The following PLXNA4 variants were observed in gnomAD, a reference collection of about 807,000 sequenced individuals.
The protein encoded by PLXNA4 is plexin A4.
PLXNA4 carries 44 observed loss-of-function variants against 191.8 expected under a neutral mutation model. The observed-to-expected ratio is 0.23, with a 90% CI of 0.18 to 0.29. PLXNA4 has a LOEUF of 0.29. PLXNA4 is among the 10% of genes least tolerant of loss of function. The pLI is 1.00. For missense variants in PLXNA4, 1,800 were observed against 2,488.8 expected (o/e 0.72, Z 5.89); for synonymous variants, 1,082 against 1,009.5 (o/e 1.07, Z -1.36).
chr7:132,491,304 C>T (rs1432897931), intron 2 of PLXNA4, among the ~76,000 whole-genome samples: 1 of 152,222 alleles, frequency 6.6e-6, no homozygotes, highest in Non-Finnish European at 1.5e-5. Flanking sequence ...TGGAGAACAG[C>T]AGGCAGGCTC....
chr7:132,423,279 T>C (rs1794915556), intron 3 of PLXNA4, among the ~76,000 whole-genome samples: 2 of 152,264 alleles, frequency 1.3e-5, no homozygotes, highest in African/African-American at 4.8e-5. Context: ...GCACAATTCA[T>C]GTTATTATTT....
At chr7:132,429,947 G>A (rs1795197263) in intron 3 of PLXNA4, among the ~76,000 whole-genome samples, 1 of 152,158 alleles carries the variant, frequency 6.6e-6, no homozygotes, top group African/African-American at 2.4e-5. Flanking sequence ...AGCAGAGTGG[G>A]CAGCTGGATG....
At chr7:132,617,764 T>C (rs1449822869) in intron 2 of PLXNA4, among the ~76,000 whole-genome samples, 1 of 152,170 alleles carries the variant, frequency 6.6e-6, no homozygotes, top group East Asian at 1.9e-4. Flanking sequence ...AATTCAGAAC[T>C]CTCTCTTAAA....
intron 3 of PLXNA4, among the ~76,000 whole-genome samples, chr7:132,412,587 A>T (rs1011105407): frequency 6.6e-6 from 1 of 152,248 alleles, no homozygotes; most frequent in South Asian, 2.1e-4. Flanking sequence ...TTTTAATATA[A>T]TAAGATCTTC....
intron 3 of PLXNA4, among the ~76,000 whole-genome samples, chr7:132,394,344 G>A (rs771151737): frequency 1.3e-5 from 2 of 152,180 alleles, no homozygotes; most frequent in Middle Eastern, 3.2e-3. Context: ...GGGAGCAGGT[G>A]AAGGGACCAG....
At chr7:132,482,427 A>C (rs1797375749) in intron 3 of PLXNA4, among the ~76,000 whole-genome samples, 1 of 152,072 alleles carries the variant, frequency 6.6e-6, no homozygotes, top group Non-Finnish European at 1.5e-5. Context: ...TTGCCAACAA[A>C]CCCGGGAGTG....
At chr7:132,285,902 G>C (rs1385952430) in intron 4 of PLXNA4, among the ~76,000 whole-genome samples, 1 of 152,106 alleles carries the variant, frequency 6.6e-6, no homozygotes, top group African/African-American at 2.4e-5. Flanking sequence ...CTGTTGAGAG[G>C]GGTGAGGTGG....
chr7:132,499,840 T>C (rs962042190), intron 2 of PLXNA4, among the ~76,000 whole-genome samples: 1 of 152,186 alleles, frequency 6.6e-6, no homozygotes, highest in Non-Finnish European at 1.5e-5. Context: ...AATCCCATTA[T>C]ATTTTGGAAC....
upstream of PLXNA4, among the ~76,000 whole-genome samples, chr7:132,582,140 G>A (rs1056111195): frequency 6.6e-6 from 1 of 152,156 alleles, no homozygotes; most frequent in African/African-American, 2.4e-5. Context: ...TACAAGGACT[G>A]GATACAATTC....
At chr7:132,646,240 C>T (rs1803863603) in intron 1 of PLXNA4, among the ~76,000 whole-genome samples, 1 of 152,104 alleles carries the variant, frequency 6.6e-6, no homozygotes, top group Non-Finnish European at 1.5e-5. Context: ...GAGCTACGGA[C>T]TCTCTCGGGA....
At position 132,435,129 on chromosome 7, in the gene PLXNA4, G is replaced by A. The variant is rs559915762; in HGVS notation, c.1371+54163C>T. Among the ~76,000 whole-genome samples, 139 of 152,180 alleles carry A rather than the reference G, an allele frequency of 9.1e-4. No homozygotes were observed. In the South Asian group the frequency reaches 0.019, roughly 21 times the overall value. On this transcript the variant is annotated intron_variant, in intron 3 of 31. Coordinates refer to ENST00000321063, the MANE Select transcript of PLXNA4 (RefSeq NM_020911.2). Reference sequence around the variant, plus strand: ...CTCGAGCAGGAAGTATGTTTGCCTCGCCTCGGGCTTCCTGGCCACACAGAC... The same window carrying A: ...CTCGAGCAGGAAGTATGTTTGCCTCACCTCGGGCTTCCTGGCCACACAGAC...
chr7:132,630,668 C>T (rs1256264378), intron 2 of PLXNA4, among the ~76,000 whole-genome samples: 2 of 152,090 alleles, frequency 1.3e-5, no homozygotes, highest in African/African-American at 2.4e-5. Context: ...TCTGCCACCA[C>T]ACCCGGCTAA....
intron 3 of PLXNA4, among the ~76,000 whole-genome samples, chr7:132,401,574 C>T (rs887663094): frequency 3.9e-5 from 6 of 152,054 alleles, no homozygotes; most frequent in Admixed American, 6.6e-5. Context: ...AGAGGAAGTC[C>T]GGTAGGATGA....
Position 132,168,446 on chromosome 7 carries a change from C to T in PLXNA4, c.4144G>A (p.Asp1382Asn), listed in dbSNP as rs118107843. 43 of 1,614,008 alleles carry T rather than the reference C, an allele frequency of 2.7e-5. No homozygotes were observed. Among genetic ancestry groups the T allele is most frequent in the East Asian group, 2.5e-4 (11 of 44,870 alleles). ...LESQRSFSMR[D>N]RGNVASLIMT... is the part of the protein sequence containing the mutation. ...ATGAGTGAGGCCACGTTGCCACGGT[C>T]GCGCATGGAGAAGCTACGCTGGGAC... Residue 1382 changes from aspartate to asparagine, a missense_variant, in exon 22 of 32, where the codon GAC becomes AAC. Asp to Asn is a conservative substitution (Grantham distance 23). This residue lies in a region of PLXNA4 where 1,397 missense variants were observed against 1,880.4 expected (regional missense o/e 0.74). Coordinates refer to ENST00000321063, the MANE Select transcript of PLXNA4 (RefSeq NM_020911.2).
chr7:132,405,102 A>ATGTG lies in PLXNA4; in HGVS notation c.1371+84186_1371+84189dup. Among the ~76,000 whole-genome samples the ATGTG allele has an allele frequency of 1.3e-5, 2 of 151,306 alleles. 1 individual carries two copies. The highest frequency in any genetic ancestry group is 4.2e-4 in the South Asian group (2 of 4,764). ...TGTGTGTGTGTGTGTGCATGTATGC[A>ATGTG]TGTGTGTGTGTGTTGGACACATTCT... On this transcript the variant is annotated intron_variant, in intron 3 of 31. Coordinates refer to ENST00000321063, the MANE Select transcript of PLXNA4 (RefSeq NM_020911.2).
chr7:132,513,642 A>G (rs1408357977), intron 1 of PLXNA4, among the ~76,000 whole-genome samples: 2 of 102,950 alleles, frequency 1.9e-5, no homozygotes, highest in Non-Finnish European at 4.3e-5. Context: ...GGTGAGTCAC[A>G]GGTGTTTTTT....
intron 10 of PLXNA4, among the ~76,000 whole-genome samples, chr7:132,208,445 G>A (rs1797696030): frequency 6.6e-6 from 1 of 152,210 alleles, no homozygotes; most frequent in Non-Finnish European, 1.5e-5. Context: ...ACCCAGACCT[G>A]GCCCATGGTG....
chr7:132,190,185 G>A (rs187189264), intron 14 of PLXNA4, among the ~76,000 whole-genome samples: 2 of 152,282 alleles, frequency 1.3e-5, no homozygotes, highest in African/African-American at 4.8e-5. Flanking sequence ...GATCCACATG[G>A]AAAATTATAT....
Position 132,485,000 on chromosome 7 carries a change from C to A in PLXNA4, c.1371+4292G>T, listed in dbSNP as rs761052923. 13 of 1,613,970 alleles carry A rather than the reference C, an allele frequency of 8.1e-6. No individual in the cohort carries two copies. Among genetic ancestry groups the A allele is most frequent in the African/African-American group, 2.7e-5 (2 of 74,904 alleles). ...CTCCTGGGTGATTCCCCCTTGTGGA[C>A]CTGTGCCGAAGGACTAGGGAACAAA... On this transcript the variant is annotated intron_variant, in intron 3 of 31. Transcript: ENST00000321063.
Sources: allele counts gnomAD v4.1 joint callset (sites outside exome capture counted in the v4.1 genomes callset), GRCh38; gene constraint gnomAD v4.1.1; regional missense constraint gnomAD v4.1.1; transcripts MANE v1.5; gene names NCBI Gene and HGNC (gene_info 2026-07-23, HGNC 2026-07-21).